The following CFAP74 variants were observed in gnomAD, a reference collection of about 807,000 sequenced individuals.
CFAP74 encodes cilia and flagella associated protein 74.
Under a neutral mutation model 188.9 loss-of-function variants are expected in CFAP74, and 124 were observed. The observed-to-expected ratio is 0.66, with a 90% CI of 0.57 to 0.76. CFAP74 has a LOEUF of 0.76. Ranked by LOEUF, CFAP74 falls within the 30% of genes least tolerant of loss-of-function variation. The pLI, the probability that CFAP74 is intolerant of heterozygous loss-of-function variation, is 0.00. For missense variants in CFAP74, 2,198 were observed against 2,165.2 expected, an observed-to-expected ratio of 1.02 and a Z score of -0.30; for synonymous variants, 956 against 916.7, an observed-to-expected ratio of 1.04 and a Z score of -0.77.
At position 1,940,322 on chromosome 1, in the gene CFAP74, G is replaced by A. The variant is rs1429786243; in HGVS notation, c.2697C>T (p.Ala899=). 10 of 1,535,674 alleles carry A rather than the reference G, an allele frequency of 6.5e-6. No individual in the cohort carries two copies. Among genetic ancestry groups the A allele is most frequent in the Middle Eastern group, 1.7e-4 (1 of 5,856 alleles). Residue 899 remains alanine (A), a synonymous_variant, in exon 23 of 39, where the codon GCC becomes GCT. Transcript: ENST00000682832. ...VLEAPMTIWV[A]DQNKPVGFTV... ...GAAGTGCCCCAACACAGACCTGGTC[G>A]GCAACCCATATGGTCATCGGGGCCT...
chr1:1,955,597 T>C, intron 18 of CFAP74, 94 bp downstream of exon 18: 1 of 1,611,976 alleles, frequency 6.2e-7, no homozygotes, highest in Non-Finnish European at 8.5e-7. Context: ...TTCTCTACTT[T>C]CCAGCCCTCC....
Position 1,974,097 on chromosome 1 carries a change from C to A in CFAP74, c.602G>T (p.Arg201Leu), listed in dbSNP as rs559819064. 3.7e-6 allele frequency: 6 copies of A among 1,612,396 alleles called. No individual in the cohort carries two copies. Among genetic ancestry groups the A allele is most frequent in the Non-Finnish European group, 5.1e-6 (6 of 1,179,190 alleles). The change falls in exon 7 of 39, where the codon CGC (arginine) becomes CTC (leucine). Residue 201 changes from arginine to leucine, a missense_variant. Coordinates refer to ENST00000682832, the MANE Select transcript of CFAP74 (RefSeq NM_001304360.2). ...CTCTCTGCAGAGCTGCTCGGCTGCG[C>A]GCACCTGGAGCCGCCGCCCCGTGGC... ...VEATGRRLQVRAAEQLCREQE... is the reference protein window; with the variant it reads ...VEATGRRLQVLAAEQLCREQE...
At chr1:1,948,932 T>TC (rs370028594) in intron 18 of CFAP74, among the ~76,000 whole-genome samples, 5 of 10,764 alleles carry the variant, frequency 4.6e-4, no homozygotes, top group Non-Finnish European at 9.8e-4. Flanking sequence ...TTCCTTCCTC[T>TC]TTCCTCCCTT....
intron 25 of CFAP74, among the ~76,000 whole-genome samples, chr1:1,934,895 ACACACGTGTG>A (rs1652750158): frequency 1.5e-5 from 1 of 65,568 alleles, no homozygotes; most frequent in Non-Finnish European, 3.3e-5. Context: ...GGTTGTAGGT[ACACACGTGTG>A]TACGTGGGTG....
intron 3 of CFAP74, 71 bp downstream of exon 3, chr1:1,988,818 A>ACCCCCCCCC: frequency 7.6e-6 from 2 of 263,616 alleles, no homozygotes; most frequent in Non-Finnish European, 1.4e-5. Flanking sequence ...CGCTCCCTTC[A>ACCCCCCCCC]CCCACCCCCC....
At chr1:1,996,054 G>A (rs1345428250) in intron 1 of CFAP74, among the ~76,000 whole-genome samples, 5 of 151,858 alleles carry the variant, frequency 3.3e-5, no homozygotes, top group African/African-American at 7.3e-5. Flanking sequence ...GTACGATCTC[G>A]GCTCACTGCA....
rs181045863 is a variant in CFAP74 at position 1,946,903 on chromosome 1, C to A, written c.2241+87G>T. On this transcript the variant is annotated intron_variant, in intron 19 of 38. Coordinates refer to ENST00000682832, the MANE Select transcript of CFAP74 (RefSeq NM_001304360.2). ...CGCAAGGGCCACCTAGCAGTGAGGG[C>A]CAGTGGGTTGGGGTGCAGCTGGGGC... 1.3e-3 allele frequency: 1,404 copies of A among 1,051,332 alleles called. 12 individuals are homozygous for A. In the African/African-American group the frequency reaches 0.02, roughly 15 times the overall value. The allele number at this position is 1,051,332 out of a possible 1,614,324, so 65.1% of individuals were successfully genotyped here.
intron 26 of CFAP74, among the ~76,000 whole-genome samples, chr1:1,929,499 T>G (rs1652190288): frequency 7.2e-6 from 1 of 138,466 alleles, no homozygotes; most frequent in African/African-American, 2.7e-5. Context: ...CATCACCGAG[T>G]GGCTTTCGCT....
At chr1:1,976,905 GT>G (rs1656487619) in intron 6 of CFAP74, among the ~76,000 whole-genome samples, 1 of 151,758 alleles carries the variant, frequency 6.6e-6, no homozygotes, top group Non-Finnish European at 1.5e-5. Flanking sequence ...GAGTACAGTG[GT>G]GCGGTCTCAG....
At position 1,968,442 on chromosome 1, in the gene CFAP74, G is replaced by A. The variant is rs895729487; in HGVS notation, c.1245+193C>T. ...TGCTGCGGCCATGGGCCTCTCTCAT[G>A]TGGTGGGTCCGTAGTGTGTCTTGTC... On this transcript the variant is annotated intron_variant, in intron 11 of 38. Transcript: ENST00000682832. The surrounding 1 kb of genome is among the most constrained non-coding windows in gnomAD (Gnocchi z 4.3). Among the ~76,000 whole-genome samples, 12 of 152,082 alleles carry A rather than the reference G, an allele frequency of 7.9e-5. No homozygotes were observed. The highest frequency in any genetic ancestry group is 2.6e-4 in the Admixed American group (4 of 15,302).
rs1173810306 is a variant in CFAP74 at position 1,988,523 on chromosome 1, A to G, written c.285T>C (p.Thr95=). ...CAGCCCCAGCTCACCTCATCTTCTC[A>G]GTGAAAAGCTCTTGCTCCTCATGCA... is the stretch of plus-strand genomic sequence containing the variant. ...DKMHEEQELF[T]EKMRGELRAC... Residue 95 remains threonine (T), a synonymous_variant, in exon 4 of 39, where the codon ACT becomes ACC. Transcript: ENST00000682832. The G allele has an allele frequency of 2.5e-6, 4 of 1,612,332 alleles. No individual in the cohort carries two copies. Among genetic ancestry groups the G allele is most frequent in the East Asian group, 2.2e-5 (1 of 44,890 alleles).
In CFAP74 at chr1:1,955,732, A is replaced by C. The variant is rs775484041; in HGVS notation, c.2135T>G (p.Leu712Arg). ...CTCCTGCTCCTTGTCCAGCTTCTCC[A>C]GCTCCTTCCGGCTCTGCATGTCCGC... is the stretch of plus-strand genomic sequence containing the variant. Reference protein sequence around the residue: ...SQADMQSRKELEKLDKEQEEE... With the variant: ...SQADMQSRKEREKLDKEQEEE... Residue 712 changes from leucine to arginine, a missense_variant, in exon 18 of 39, where the codon CTG becomes CGG. Physicochemically the swap from Leu to Arg is moderately radical, Grantham distance 102. Coordinates refer to ENST00000682832, the MANE Select transcript of CFAP74 (RefSeq NM_001304360.2). 30 of 1,613,622 alleles carry C rather than the reference A, an allele frequency of 1.9e-5. No homozygotes were observed. Among genetic ancestry groups the C allele is most frequent in the Non-Finnish European group, 2.5e-5 (30 of 1,179,794 alleles).
At chr1:1,977,173 G>A (rs183466817) in intron 6 of CFAP74, among the ~76,000 whole-genome samples, 79 of 152,244 alleles carry the variant, frequency 5.2e-4, no homozygotes, top group Admixed American at 1.1e-3. Flanking sequence ...ATGACCCAGT[G>A]TCAGGCATTT....
intron 27 of CFAP74, 116 bp from the exon 28 acceptor site, chr1:1,927,862 T>C (rs1374059360): frequency 8.2e-7 from 1 of 1,223,000 alleles, no homozygotes. Flanking sequence ...TGGGATTGAA[T>C]GTGGGGACGC....
rs1157695806 is a variant in CFAP74, at chr1:1,976,649, T to C, written c.501-2451A>G. Among the ~76,000 whole-genome samples, 5 of 152,284 alleles carry C rather than the reference T, an allele frequency of 3.3e-5. No individual in the cohort carries two copies. The East Asian group carries it at 9.7e-4, about 29-fold the overall frequency. ...ACTCCACCTCCCGGGTTCAAGCAAT[T>C]CTCCCGCCTCAGCCTCTTGAATAGC... On this transcript the variant is annotated intron_variant, in intron 6 of 38. Coordinates refer to ENST00000682832, the MANE Select transcript of CFAP74 (RefSeq NM_001304360.2).
chr1:1,960,153 T>C, intron 14 of CFAP74, 123 bp from the exon 15 acceptor site: 1 of 786,692 alleles, frequency 1.3e-6, no homozygotes, highest in Non-Finnish European at 2.0e-6. Flanking sequence ...CCTGGCCCCC[T>C]GCCCAGCCGC....
Position 1,923,983 on chromosome 1 carries a change from C to A in CFAP74, c.4235-54G>T, listed in dbSNP as rs550780477. On this transcript the variant is annotated intron_variant, in intron 34 of 38. Transcript: ENST00000682832. The surrounding 1 kb of genome is among the most constrained non-coding windows in gnomAD (Gnocchi z 6.3). ...CTTCTCCACCTGCAATCACTGTCTGCCCTCCAAGCCTTGCTGCATAGAGCT... is the reference window on the plus strand; with the variant it reads ...CTTCTCCACCTGCAATCACTGTCTGACCTCCAAGCCTTGCTGCATAGAGCT... 1.3e-6 allele frequency: 2 copies of A among 1,557,238 alleles called. No individual in the cohort carries two copies. The highest frequency in any genetic ancestry group is 2.7e-5 in the African/African-American group (2 of 73,758).
At chr1:1,956,011 T>C (rs992005951) in intron 17 of CFAP74, among the ~76,000 whole-genome samples, 161 bp from the exon 18 acceptor site, 2 of 152,086 alleles carry the variant, frequency 1.3e-5, no homozygotes, top group Non-Finnish European at 2.9e-5. Context: ...GTCTCACCCA[T>C]CCTGGTTGTG....
chr1:1,932,027 C>T (rs1414967779), intron 25 of CFAP74, among the ~76,000 whole-genome samples: 2 of 146,186 alleles, frequency 1.4e-5, no homozygotes, highest in East Asian at 2.0e-4. Flanking sequence ...GATCGCCCCA[C>T]TGCACTCCAG....
Sources: gnomAD v4.1 joint callset for allele counts (sites outside exome capture counted in the v4.1 genomes callset) on GRCh38, gnomAD v4.1.1 for gene constraint, Gnocchi (gnomAD v3.1) non-coding constraint, MANE v1.5 for transcripts, NCBI Gene and HGNC (gene_info 2026-07-23, HGNC 2026-07-21) for gene names.